CES4A: variants seen among roughly 807,000 people sequenced by gnomAD.
The protein encoded by CES4A is carboxylesterase 6.
In CES4A, 48 loss-of-function variants were observed where a neutral mutation model predicts 65.4. The ratio of observed to expected loss-of-function variants is 0.73; its 90% CI spans 0.58 to 0.93. CES4A has a LOEUF of 0.93. Among genes scored for constraint, CES4A ranks in the 40% least tolerant of loss-of-function variants. CES4A has a pLI of 0.00. For synonymous variants in CES4A, 247 were observed against 281.8 expected, an observed-to-expected ratio of 0.88 and a Z score of 1.24; for missense variants, 685 against 728.5, an observed-to-expected ratio of 0.94 and a Z score of 0.69.
At position 67,003,081 on chromosome 16, in the gene CES4A, C is replaced by T; in HGVS notation, c.702C>T (p.Pro234=). Residue 234 remains proline (P), a synonymous_variant, in exon 6 of 14, where the codon CCC becomes CCT. Coordinates refer to ENST00000648724, the Ensembl canonical transcript of CES4A. This position sits in a 1 kb window ranked among gnomAD's most constrained non-coding sequence, Gnocchi z 4.2. ...CCCTGTTCTTGCAGATGATGTCACC[C>T]CTAGCCTCGGGTCTCTTCCATCGGG... 1 of 1,614,040 alleles carries T rather than the reference C, an allele frequency of 6.2e-7. No individual in the cohort carries two copies. Among genetic ancestry groups the T allele is most frequent in the East Asian group, 2.2e-5 (1 of 44,884 alleles).
At chr16:67,008,896 T>G (rs1965978528) in intron 13 of CES4A, 78 bp from the exon 14 acceptor site, 1 of 1,471,764 alleles carries the variant, frequency 6.8e-7, no homozygotes, top group Non-Finnish European at 9.2e-7. Flanking sequence ...CAAGGGCAAA[T>G]TAAACGAGGG....
chr16:66,995,985 C>G (rs1964814529), intron 2 of CES4A, 156 bp downstream of exon 2: 1 of 718,438 alleles, frequency 1.4e-6, no homozygotes, highest in African/African-American at 1.7e-5. Context: ...GTATCATGAG[C>G]AAACTGGTCC....
intron 2 of CES4A, among the ~76,000 whole-genome samples, chr16:66,998,712 C>A (rs1297818274): frequency 3.9e-5 from 6 of 152,074 alleles, no homozygotes; most frequent in Admixed American, 3.9e-4. Flanking sequence ...TCTAAAAATA[C>A]AAAAATTAGC....
Position 67,001,554 on chromosome 16 carries a change from C to T in CES4A, c.690+93C>T. 1.4e-6 allele frequency: 2 copies of T among 1,417,778 alleles called. No homozygotes were observed. The allele number at this position is 1,417,778 out of a possible 1,614,324, so 87.8% of individuals were successfully genotyped here. A position where few individuals can be genotyped will look rare whatever the true frequency, so the allele number is the denominator to read the frequency against. On this transcript the variant is annotated intron_variant, in intron 5 of 13. Coordinates refer to ENST00000648724, the Ensembl canonical transcript of CES4A. This position sits in a 1 kb window ranked among gnomAD's most constrained non-coding sequence, Gnocchi z 4.1. Reference sequence around the variant, plus strand: ...ACTGCACAGGCCATGTGCAGATTTGCGTGTACAGGAACGTGCCTGCCACAG... The same window carrying T: ...ACTGCACAGGCCATGTGCAGATTTGTGTGTACAGGAACGTGCCTGCCACAG...
chr16:67,000,576 C>T lies in CES4A; in HGVS notation c.261-62C>T, dbSNP rs1965210910. The stretch of plus-strand genomic sequence containing the variant: ...GATTTTGCTTTGGGTTCCGTCTTCT[C>T]ACTGCGGACCCTGGATTGAAACGAT... On this transcript the variant is annotated intron_variant, in intron 2 of 13. Transcript: ENST00000648724. The surrounding 1 kb of genome is among the most constrained non-coding windows in gnomAD (Gnocchi z 4.2). 6.6e-7 allele frequency: 1 copy of T among 1,503,776 alleles called. No individual in the cohort carries two copies. The highest frequency in any genetic ancestry group is 2.3e-5 in the Admixed American group (1 of 43,958). The allele number at this position is 1,503,776 out of a possible 1,614,324, so 93.2% of individuals were successfully genotyped here.
exon 2 of CES4A, chr16:66,995,751 T>G (rs1964795734): frequency 6.2e-7 from 1 of 1,614,114 alleles, no homozygotes; most frequent in Non-Finnish European, 8.5e-7. Context: ...AGACCTCCTC[T>G]AGGTATCCTC....
At position 67,001,396 on chromosome 16, in the gene CES4A, G is replaced by A. The variant is rs1021087028; in HGVS notation, c.625G>A (p.Gly209Arg). ...GGTGCAGGAGAACATCGCAGCCTTC[G>A]GGGGAGACCCAGGAAATGTGACCCT... The change falls in exon 5 of 14, where the codon GGG becomes AGG. Residue 209 changes from glycine (G) to arginine (R), a missense_variant. By Grantham distance (125) the Gly-to-Arg change is moderately radical. Transcript: ENST00000648724. This position sits in a 1 kb window ranked among gnomAD's most constrained non-coding sequence, Gnocchi z 4.1. The A allele has an allele frequency of 1.4e-5, 23 of 1,613,644 alleles. No individual in the cohort carries two copies. The highest frequency in any genetic ancestry group is 1.9e-5 in the Non-Finnish European group (23 of 1,179,846).
In CES4A at chr16:67,000,599, G is replaced by C; in HGVS notation, c.261-39G>C. ...CTCACTGCGGACCCTGGATTGAAAC[G>C]ATCTCCCCGCGGCCGCCGCCGCTAC... On this transcript the variant is annotated intron_variant, in intron 2 of 13. Transcript: ENST00000648724. This position sits in a 1 kb window ranked among gnomAD's most constrained non-coding sequence, Gnocchi z 4.2. The C allele has an allele frequency of 1.3e-6, 2 of 1,523,136 alleles. No individual in the cohort carries two copies. The highest frequency in any genetic ancestry group is 1.8e-6 in the Non-Finnish European group (2 of 1,130,446). The allele number at this position is 1,523,136 out of a possible 1,614,324, so 94.4% of individuals were successfully genotyped here. A position where few individuals can be genotyped will look rare whatever the true frequency, so the allele number is the denominator to read the frequency against.
intron 1 of CES4A, 129 bp downstream of exon 1, chr16:66,988,959 G>A: frequency 8.7e-7 from 1 of 1,145,996 alleles, no homozygotes; most frequent in Non-Finnish European, 1.2e-6. Context: ...GGCAAATGGA[G>A]GGTAGGGTTT....
intron 11 of CES4A, 145 bp from the exon 12 acceptor site, chr16:67,006,246 T>C: frequency 6.5e-6 from 5 of 767,416 alleles, no homozygotes; most frequent in Non-Finnish European, 1.0e-5. Context: ...GAATGAGTAG[T>C]GCAGACAGGA....
intron 2 of CES4A, among the ~76,000 whole-genome samples, chr16:66,997,948 AACACACACACACACACACACACACAC>A (rs57562021): frequency 7.9e-6 from 1 of 127,298 alleles, no homozygotes; most frequent in African/African-American, 3.0e-5. Context: ...CCCTATCTAA[AACACACACACACACACACACACACAC>A]ACACACACAC....
chr16:66,995,575 C>T (rs1341236337), intron 1 of CES4A, 53 bp from the exon 2 acceptor site: 3 of 1,507,486 alleles, frequency 2.0e-6, no homozygotes, highest in Non-Finnish European at 9.2e-7. Context: ...GCCAGGGTCC[C>T]ATTTGTGGCT....
chr16:66,995,880 C>A, intron 2 of CES4A, 51 bp downstream of exon 2: 2 of 1,522,284 alleles, frequency 1.3e-6, no homozygotes, highest in Non-Finnish European at 1.8e-6. Flanking sequence ...CCTATGCCTG[C>A]ATCTGGGTGG....
chr16:66,988,932 C>A (rs1964161138), intron 1 of CES4A, 102 bp downstream of exon 1: 2 of 1,367,212 alleles, frequency 1.5e-6, no homozygotes, highest in East Asian at 2.5e-5. Context: ...AGGGCAGGAG[C>A]ACTTAGACAA....
Position 67,003,643 on chromosome 16 carries a change from A to C in CES4A, c.939+90A>C. 1 of 1,045,834 alleles carries C rather than the reference A, an allele frequency of 9.6e-7. No homozygotes were observed. The highest frequency in any genetic ancestry group is 1.5e-6 in the Non-Finnish European group (1 of 663,134). The allele number at this position is 1,045,834 out of a possible 1,614,324, so 64.8% of individuals were successfully genotyped here. Reference sequence around the variant, plus strand: ...GATACTTAGGGAATTGTTCAGGCCAAGATCCCTTCCCTAGTGGAGCTGATG... The same window carrying C: ...GATACTTAGGGAATTGTTCAGGCCACGATCCCTTCCCTAGTGGAGCTGATG... On this transcript the variant is annotated intron_variant, in intron 8 of 13. Coordinates refer to ENST00000648724, the Ensembl canonical transcript of CES4A. This position sits in a 1 kb window ranked among gnomAD's most constrained non-coding sequence, Gnocchi z 4.2.
exon 11 of CES4A, chr16:67,005,339 G>C: frequency 2.5e-6 from 4 of 1,614,168 alleles, no homozygotes; most frequent in Non-Finnish European, 3.4e-6. Flanking sequence ...GATGGACATA[G>C]TTCAAGATGC....
At chr16:67,006,869 C>G in intron 13 of CES4A, 52 bp downstream of exon 13, 2 of 1,537,794 alleles carry the variant, frequency 1.3e-6, no homozygotes, top group East Asian at 2.3e-5. Flanking sequence ...AGTGCTGGAC[C>G]TGAAGAAGCC....
At chr16:67,008,987 G>A (rs926969612) in exon 14 of CES4A, 1 of 1,612,542 alleles carries the variant, frequency 6.2e-7, no homozygotes, top group African/African-American at 1.3e-5. Flanking sequence ...CCCCAATGAT[G>A]GGAATCTGCC....
rs766716737 is a variant in CES4A, at chr16:66,997,375, T to C, written c.260+1546T>C. Among the ~76,000 whole-genome samples, 6 of 152,158 alleles carry C rather than the reference T, an allele frequency of 3.9e-5. No homozygotes were observed. In the East Asian group the frequency reaches 5.8e-4, roughly 15 times the overall value. ...GAAACGGAGTGTCAGGTGTAAGAAT[T>C]TGTGGATTGCTCAGAATAGCCCATG... On this transcript the variant is annotated intron_variant, in intron 2 of 13. Transcript: ENST00000648724.
Sources: gnomAD v4.1 joint callset for allele counts (sites outside exome capture counted in the v4.1 genomes callset) on GRCh38, gnomAD v4.1.1 for gene constraint, Gnocchi (gnomAD v3.1) non-coding constraint, MANE v1.5 for transcripts, NCBI Gene and HGNC (gene_info 2026-07-23, HGNC 2026-07-21) for gene names.